Variants in PFKFB3 observed in about 807,000 individuals in gnomAD.
PFKFB3 encodes the protein 6-phosphofructo-2-kinase/fructose-2,6-bisphosphatase 3.
In PFKFB3, 33 loss-of-function variants were observed where a neutral mutation model predicts 68.0. The observed-to-expected ratio is 0.49, with a 90% CI of 0.37 to 0.65. The LOEUF (loss-of-function observed/expected upper bound fraction) is 0.65, where lower values mean the gene tolerates loss of function less well. Among genes scored for constraint, PFKFB3 ranks in the 30% least tolerant of loss-of-function variants. The pLI, the probability that PFKFB3 is intolerant of heterozygous loss-of-function variation, is 0.00. For synonymous variants in PFKFB3, 315 were observed against 288.2 expected (o/e 1.09, Z -0.94); for missense variants, 586 against 712.2 (o/e 0.82, Z 2.02).
intron 1 of PFKFB3, chr10:6,146,595 G>A: frequency 3.3e-6 from 4 of 1,208,116 alleles, no homozygotes; most frequent in Admixed American, 2.3e-5. Context: ...ATTTATCTCT[G>A]ACTTCATCGC....
intron 2 of PFKFB3, among the ~76,000 whole-genome samples, chr10:6,214,839 C>A (rs571803549): frequency 5.9e-5 from 9 of 152,362 alleles, no homozygotes; most frequent in African/African-American, 1.9e-4. Context: ...AGGCCCCACT[C>A]GCTTTCTGAT....
At chr10:6,217,060 G>A in intron 5 of PFKFB3, 75 bp from the exon 6 acceptor site, 2 of 1,427,114 alleles carry the variant, frequency 1.4e-6, no homozygotes, top group Non-Finnish European at 2.0e-6. Flanking sequence ...TTGTCCGGGT[G>A]ATGACATCGC....
At chr10:6,305,185 A>AC in the PFKFB3 span, among the ~76,000 whole-genome samples, 4 of 99,406 alleles carry the variant, frequency 4.0e-5, no homozygotes, top group Non-Finnish European at 8.0e-5. Context: ...AATATTAGGA[A>AC]TTTTTTTTTT....
chr10:6,324,976 T>A, the PFKFB3 span, among the ~76,000 whole-genome samples: 7 of 152,280 alleles, frequency 4.6e-5, no homozygotes, highest in South Asian at 8.3e-4. Flanking sequence ...ATAATTTTTT[T>A]AAATTGAAAC....
intron 13 of PFKFB3, chr10:6,225,072 G>A (rs910148221): frequency 4.4e-6 from 2 of 454,586 alleles, no homozygotes; most frequent in Admixed American, 2.4e-5. Flanking sequence ...ACATTTGGAG[G>A]TGGGCCAGGC....
At chr10:6,206,389 CT>C (rs1190752126) in intron 1 of PFKFB3, among the ~76,000 whole-genome samples, 10 of 133,520 alleles carry the variant, frequency 7.5e-5, no homozygotes, top group African/African-American at 2.1e-4. Context: ...ATTTCTCAAT[CT>C]TTCCCCGCCC....
At chr10:6,204,909 C>G (rs1169416101) in intron 1 of PFKFB3, among the ~76,000 whole-genome samples, 1 of 152,198 alleles carries the variant, frequency 6.6e-6, no homozygotes, top group African/African-American at 2.4e-5. Flanking sequence ...GAGGAGTGTC[C>G]CGTGACTTCC....
At chr10:6,208,745 C>CG (rs1564621660) in intron 1 of PFKFB3, among the ~76,000 whole-genome samples, 1 of 152,116 alleles carries the variant, frequency 6.6e-6, no homozygotes, top group East Asian at 1.9e-4. Flanking sequence ...TTAATCTATC[C>CG]GGGAGAGCAG....
chr10:6,161,976 CACCA>C (rs1426758743), intron 1 of PFKFB3, among the ~76,000 whole-genome samples: 1 of 152,126 alleles, frequency 6.6e-6, no homozygotes, highest in Non-Finnish European at 1.5e-5. Flanking sequence ...CAACCATCAC[CACCA>C]ACCATCTCTA....
chr10:6,146,045 G>A (rs4750017), intron 1 of PFKFB3, among the ~76,000 whole-genome samples: 16,538 of 152,206 alleles, frequency 0.11, 961 homozygotes, highest in Non-Finnish European at 0.13. Flanking sequence ...TGTTTGGGTT[G>A]GGAGGGGTTG....
upstream of PFKFB3, among the ~76,000 whole-genome samples, chr10:6,198,091 A>G (rs556133656): frequency 2.3e-4 from 35 of 151,986 alleles, no homozygotes; most frequent in Non-Finnish European, 4.7e-4. Context: ...AAAGATACAA[A>G]AAAAATTAGC....
chr10:6,217,721 A>C (rs895058542), intron 6 of PFKFB3, among the ~76,000 whole-genome samples: 1 of 152,140 alleles, frequency 6.6e-6, no homozygotes, highest in Non-Finnish European at 1.5e-5. Flanking sequence ...GCCCAGATAA[A>C]TTGAGGGCAC....
At chr10:6,251,125 T>C (rs1036620627) in intron 14 of PFKFB3, among the ~76,000 whole-genome samples, 1 of 152,228 alleles carries the variant, frequency 6.6e-6, no homozygotes. Context: ...AAAATATATT[T>C]TCCAGCTCAA....
intron 1 of PFKFB3, among the ~76,000 whole-genome samples, chr10:6,196,618 G>A (rs1843183153): frequency 6.6e-6 from 1 of 152,198 alleles, no homozygotes; most frequent in Admixed American, 6.5e-5. Flanking sequence ...TAGGCGCAGA[G>A]ACTAAGCCAG....
At chr10:6,206,809 CCGGG>C (rs1269891294) in intron 1 of PFKFB3, among the ~76,000 whole-genome samples, 2,160 of 46,238 alleles carry the variant, frequency 0.047, 140 homozygotes, top group Middle Eastern at 0.11. Context: ...CGATGGGCGG[CCGGG>C]CAGAGACGCT....
At chr10:6,283,206 G>T in the PFKFB3 span, among the ~76,000 whole-genome samples, 1 of 152,168 alleles carries the variant, frequency 6.6e-6, no homozygotes, top group African/African-American at 2.4e-5. Context: ...GACATCAGGT[G>T]ATCCACCCGC....
chr10:6,258,789 G>T (rs549216821), downstream of PFKFB3, among the ~76,000 whole-genome samples: 4 of 152,232 alleles, frequency 2.6e-5, no homozygotes, highest in South Asian at 2.1e-4. Context: ...AAATTCGTAG[G>T]TGAAATAAAC....
intron 1 of PFKFB3, among the ~76,000 whole-genome samples, chr10:6,146,805 T>C (rs1314158596): frequency 6.6e-6 from 1 of 152,222 alleles, no homozygotes; most frequent in Non-Finnish European, 1.5e-5. Flanking sequence ...GGACAAAACA[T>C]TTGCAAACTG....
At chr10:6,152,692 C>T (rs547633875) in intron 1 of PFKFB3, among the ~76,000 whole-genome samples, 4 of 151,330 alleles carry the variant, frequency 2.6e-5, no homozygotes, top group African/African-American at 9.7e-5. Flanking sequence ...GCCTGGGCAA[C>T]ATAGTGAGAT....
Sources: allele counts gnomAD v4.1 joint callset (sites outside exome capture counted in the v4.1 genomes callset), GRCh38; gene constraint gnomAD v4.1.1; transcripts MANE v1.5; gene names NCBI Gene and HGNC (gene_info 2026-07-23, HGNC 2026-07-21).